The following UNC5C variants were observed in gnomAD, a reference collection of about 807,000 sequenced individuals.
UNC5C encodes unc-5 netrin receptor C, also known as netrin receptor UNC5C.
A neutral mutation model predicts 99.8 loss-of-function variants in UNC5C; 47 were observed. The observed-to-expected ratio is 0.47, with a 90% confidence interval of 0.37 to 0.60. The LOEUF is 0.60. Among genes scored for constraint, UNC5C ranks in the 20% least tolerant of loss-of-function variants. The probability of loss-of-function intolerance (pLI) is 0.00; values close to 1 mark genes in which losing one functional copy is unlikely to be tolerated. For missense variants in UNC5C, 1,062 were observed against 1,165.9 expected (o/e 0.91, Z 1.30); for synonymous variants, 487 against 452.2 (o/e 1.08, Z -0.98).
chr4:95,514,965 C>T (rs1722176054), intron 1 of UNC5C, among the ~76,000 whole-genome samples: 1 of 152,022 alleles, frequency 6.6e-6, no homozygotes, highest in African/African-American at 2.4e-5. Context: ...AGCCACCATG[C>T]CTGGCCCTAA....
intron 1 of UNC5C, among the ~76,000 whole-genome samples, chr4:95,410,347 A>G (rs1745944633): frequency 6.6e-6 from 1 of 152,130 alleles, no homozygotes; most frequent in East Asian, 1.9e-4. Flanking sequence ...GAAAAGAAAA[A>G]AGGAAAAAAG....
intron 12 of UNC5C, among the ~76,000 whole-genome samples, chr4:95,196,821 TTA>T (rs1465148342): frequency 0.11 from 55 of 508 alleles, 3 homozygotes; most frequent in East Asian, 0.19. Flanking sequence ...TAATATATAT[TTA>T]TATATTATAT....
chr4:95,179,945 A>T (rs1173995363), intron 14 of UNC5C, among the ~76,000 whole-genome samples: 1 of 151,662 alleles, frequency 6.6e-6, no homozygotes, highest in Non-Finnish European at 1.5e-5. Context: ...TCTGAGTTTT[A>T]TTTTTGTGTT....
chr4:95,202,826 G>A lies in UNC5C; in HGVS notation c.2041C>T (p.Arg681Cys), dbSNP rs141250673. 6 of 1,614,084 alleles carry A rather than the reference G, an allele frequency of 3.7e-6. No individual in the cohort carries two copies. In the African/African-American group the frequency reaches 4.0e-5, roughly 11 times the overall value. The change falls in exon 12 of 16, where the codon CGC becomes TGC. Residue 681 changes from arginine to cysteine, a missense_variant. Transcript: ENST00000453304. ...GGCCCAAAGATGGCCAGCTTGAGGC[G>A]CTTCGCAGCCGCTTTGGTGGTGGAA... ...GHSTTKAAAK[R>C]LKLAIFGPLC...
At chr4:95,299,527 G>A (rs1338921840) in intron 3 of UNC5C, among the ~76,000 whole-genome samples, 1 of 152,186 alleles carries the variant, frequency 6.6e-6, no homozygotes, top group Non-Finnish European at 1.5e-5. Flanking sequence ...AAGATGAGAG[G>A]TGTATTCATC....
chr4:95,397,474 C>G (rs1226371796), intron 1 of UNC5C, among the ~76,000 whole-genome samples: 1 of 152,166 alleles, frequency 6.6e-6, no homozygotes, highest in Non-Finnish European at 1.5e-5. Context: ...TAATTCTCCC[C>G]TAGACAAAGA....
chr4:95,194,745 G>C (rs1299654887), intron 12 of UNC5C, among the ~76,000 whole-genome samples: 1 of 152,176 alleles, frequency 6.6e-6, no homozygotes, highest in Non-Finnish European at 1.5e-5. Context: ...TATCTGCAAA[G>C]ACTGTTTTGC....
chr4:95,201,017 T>G (rs1277663355), intron 12 of UNC5C, among the ~76,000 whole-genome samples: 1 of 151,986 alleles, frequency 6.6e-6, no homozygotes, highest in Non-Finnish European at 1.5e-5. Context: ...TCTCCCCAGC[T>G]CTCCACCACG....
chr4:95,195,078 C>T (rs1215032184), intron 12 of UNC5C, among the ~76,000 whole-genome samples: 1 of 152,180 alleles, frequency 6.6e-6, no homozygotes, highest in Non-Finnish European at 1.5e-5. Context: ...CTTCCTTAAG[C>T]CATTATCTTC....
At chr4:95,287,837 C>T (rs1290194584) in intron 3 of UNC5C, among the ~76,000 whole-genome samples, 2 of 152,166 alleles carry the variant, frequency 1.3e-5, no homozygotes, top group African/African-American at 4.8e-5. Flanking sequence ...AACTTAATCC[C>T]AGCCTTGAAT....
chr4:95,283,745 G>A (rs561251152), intron 3 of UNC5C, among the ~76,000 whole-genome samples: 4 of 152,336 alleles, frequency 2.6e-5, no homozygotes, highest in Non-Finnish European at 4.4e-5. Flanking sequence ...TCTGCCCTTG[G>A]AAGACCTTTA....
intron 11 of UNC5C, among the ~76,000 whole-genome samples, chr4:95,206,081 A>G (rs1466412534): frequency 6.6e-6 from 1 of 151,164 alleles, no homozygotes; most frequent in African/African-American, 2.4e-5. Context: ...GCTCACTGCA[A>G]CCTCCGCCTC....
In UNC5C at chr4:95,166,496, A is replaced by C. The variant is rs1167449812; in HGVS notation, c.*2738T>G. On this transcript the variant is annotated 3_prime_UTR_variant, in exon 16 of 16. Transcript: ENST00000453304. The stretch of plus-strand genomic sequence containing the variant: ...CAAAAAAGCATCTGAAGTGAACCCC[A>C]AGGGTTCTCAGTGACTTCAGTAAGA... 1.3e-5 allele frequency: 2 copies of C among 152,162 alleles called. No homozygotes were observed. Among genetic ancestry groups the C allele is most frequent in the African/African-American group, 4.8e-5 (2 of 41,444 alleles). The allele number at this position is 152,162 out of a possible 1,614,324, so 9.4% of individuals were successfully genotyped here.
intron 3 of UNC5C, among the ~76,000 whole-genome samples, chr4:95,294,246 G>A (rs1741590944): frequency 6.6e-6 from 1 of 152,182 alleles, no homozygotes; most frequent in Admixed American, 6.5e-5. Flanking sequence ...GTTTTAGACA[G>A]TGTGCTGGAT....
intron 7 of UNC5C, among the ~76,000 whole-genome samples, chr4:95,240,639 C>A (rs1739297697): frequency 6.6e-6 from 1 of 152,070 alleles, no homozygotes; most frequent in African/African-American, 2.4e-5. Context: ...AACACAAACA[C>A]AAACAAACAA....
intron 1 of UNC5C, among the ~76,000 whole-genome samples, chr4:95,489,870 G>A (rs1212115661): frequency 1.3e-5 from 2 of 151,666 alleles, no homozygotes; most frequent in Non-Finnish European, 2.9e-5. Flanking sequence ...ATGCAGATGA[G>A]TGTATGATTC....
At position 95,236,588 on chromosome 4, in the gene UNC5C, AAAAT is replaced by A. The variant is rs1418767073; in HGVS notation, c.1108+5837_1108+5840del. On this transcript the variant is annotated intron_variant, in intron 7 of 15. Transcript: ENST00000453304. ...CCTAGAACTTAAAGTATAATAATAA[AAAAT>A]AAATAAATAAAAGAAAAAAAAGAAT... Among the ~76,000 whole-genome samples, 14 of 138,656 alleles carry A rather than the reference AAAAT, an allele frequency of 1.0e-4. No individual in the cohort carries two copies. In the East Asian group the frequency reaches 1.6e-3, roughly 16 times the overall value. The allele number at this position is 138,656 out of a possible 152,430, so 91.0% of individuals were successfully genotyped here. A position where few individuals can be genotyped will look rare whatever the true frequency, so the allele number is the denominator to read the frequency against.
At chr4:95,508,835 T>C (rs953702982) in intron 1 of UNC5C, among the ~76,000 whole-genome samples, 13 of 151,980 alleles carry the variant, frequency 8.6e-5, no homozygotes, top group African/African-American at 2.7e-4. Context: ...AAAGAATATT[T>C]TTAATATAGT....
chr4:95,440,463 C>T (rs1262484224), intron 1 of UNC5C, among the ~76,000 whole-genome samples: 2 of 152,110 alleles, frequency 1.3e-5, no homozygotes, highest in Admixed American at 6.5e-5. Flanking sequence ...GGATGTTAGG[C>T]TCTCTCCAGT....
Sources: gnomAD v4.1 joint callset for allele counts (sites outside exome capture counted in the v4.1 genomes callset) on GRCh38, gnomAD v4.1.1 for gene constraint, MANE v1.5 for transcripts, NCBI Gene and HGNC (gene_info 2026-07-23, HGNC 2026-07-21) for gene names.